GLI3: variants seen among roughly 807,000 people sequenced by gnomAD.
GLI3 encodes GLI family zinc finger 3.
In GLI3, 20 loss-of-function variants were observed where a neutral mutation model predicts 100.8. The ratio of observed to expected loss-of-function variants is 0.20; its 90% CI spans 0.14 to 0.29. GLI3 has a LOEUF of 0.29. Ranked by LOEUF, GLI3 falls within the 10% of genes least tolerant of loss-of-function variation. The pLI is 1.00. For synonymous variants in GLI3, 938 were observed against 860.5 expected (o/e 1.09, Z -1.58); for missense variants, 2,040 against 2,128.5 (o/e 0.96, Z 0.82).
chr7:42,013,013 G>A (rs1378797838), intron 10 of GLI3, among the ~76,000 whole-genome samples: 1 of 152,244 alleles, frequency 6.6e-6, no homozygotes, highest in Non-Finnish European at 1.5e-5. Context: ...CCTTTAGGCA[G>A]GTAGAGCAGC....
chr7:42,222,896 T>C (rs1170024094), intron 2 of GLI3: 1 of 501,330 alleles, frequency 2.0e-6, no homozygotes, highest in African/African-American at 1.9e-5. Context: ...AAATAACCTA[T>C]CACATTTACA....
rs144550781 is a variant in GLI3, at chr7:42,207,221, C to T, written c.124+15909G>A. ...CCACCAAAAGACAGCTACCTGGCAGCCAATGTTCCTGACAGCCAAACCCTG... is the reference window on the plus strand; with the variant it reads ...CCACCAAAAGACAGCTACCTGGCAGTCAATGTTCCTGACAGCCAAACCCTG... On this transcript the variant is annotated intron_variant, in intron 2 of 14. Coordinates refer to ENST00000395925, the MANE Select transcript of GLI3 (RefSeq NM_000168.6). Among the ~76,000 whole-genome samples, 345 of 152,288 alleles carry T rather than the reference C, an allele frequency of 2.3e-3. 2 individuals carry two copies. Among genetic ancestry groups the T allele is most frequent in the African/African-American group, 8.0e-3 (332 of 41,560 alleles).
In GLI3 at chr7:41,965,337, C is replaced by T; in HGVS notation, c.3736G>A (p.Glu1246Lys). Residue 1246 changes from glutamate to lysine, a missense_variant, in exon 15 of 15, where the codon GAA (glutamate) becomes AAA (lysine). Glu to Lys is a moderately conservative substitution (Grantham distance 56, BLOSUM62 1). Coordinates refer to ENST00000395925, the MANE Select transcript of GLI3 (RefSeq NM_000168.6). ...TACTGCGGGGCCTTACAGGGCTGTT[C>T]ATGGAAGGCGTTTCCACTGGTGCCA... ...GSGTSGNAFHEQPCKAPQYGN... is the reference protein window; with the variant it reads ...GSGTSGNAFHKQPCKAPQYGN... The T allele has an allele frequency of 1.2e-6, 2 of 1,613,888 alleles. No individual in the cohort carries two copies. Among genetic ancestry groups the T allele is most frequent in the Non-Finnish European group, 1.7e-6 (2 of 1,179,898 alleles).
At chr7:42,154,961 G>C (rs1474368563) in intron 2 of GLI3, among the ~76,000 whole-genome samples, 2 of 152,218 alleles carry the variant, frequency 1.3e-5, no homozygotes, top group Admixed American at 6.5e-5. Context: ...TCAGGAGAAA[G>C]CACTCAGCTT....
At chr7:42,071,903 G>A (rs954427987) in intron 4 of GLI3, among the ~76,000 whole-genome samples, 1 of 152,118 alleles carries the variant, frequency 6.6e-6, no homozygotes, top group South Asian at 2.1e-4. Flanking sequence ...TTAGTGGGAA[G>A]AACAGCTCTC....
chr7:42,229,239 C>T (rs1788645064), intron 1 of GLI3, among the ~76,000 whole-genome samples: 1 of 152,182 alleles, frequency 6.6e-6, no homozygotes, highest in Non-Finnish European at 1.5e-5. Flanking sequence ...GGCAAAAACT[C>T]TCTTCTCTTT....
intron 9 of GLI3, among the ~76,000 whole-genome samples, chr7:42,024,545 C>T (rs992621615): frequency 1.3e-5 from 2 of 152,214 alleles, no homozygotes; most frequent in Non-Finnish European, 1.5e-5. Flanking sequence ...ATTCTGTGGA[C>T]ATCTGGACTC....
intron 2 of GLI3, among the ~76,000 whole-genome samples, chr7:42,195,834 C>T (rs926661044): frequency 1.3e-5 from 2 of 152,144 alleles, no homozygotes; most frequent in African/African-American, 4.8e-5. Context: ...AGTAAGTATT[C>T]AATAAATCTG....
At chr7:42,169,297 A>G (rs1787312751) in intron 2 of GLI3, among the ~76,000 whole-genome samples, 1 of 152,244 alleles carries the variant, frequency 6.6e-6, no homozygotes, top group African/African-American at 2.4e-5. Context: ...GTTACTCTGT[A>G]TCAAAAAAGC....
chr7:42,052,999 G>GA (rs1784381697), intron 4 of GLI3, among the ~76,000 whole-genome samples: 2 of 152,136 alleles, frequency 1.3e-5, no homozygotes, highest in South Asian at 4.1e-4. Flanking sequence ...TTGTGGCTTT[G>GA]TTTTTTGTTT....
At chr7:42,068,315 C>A (rs984967577) in intron 4 of GLI3, among the ~76,000 whole-genome samples, 1 of 152,246 alleles carries the variant, frequency 6.6e-6, no homozygotes, top group Non-Finnish European at 1.5e-5. Context: ...CACAATCATG[C>A]CCATTTCTGC....
Position 41,965,470 on chromosome 7 carries a change from C to A in GLI3, c.3603G>T (p.Pro1201=), listed in dbSNP as rs1389633991. ...FGFCNGMVVH[P]QNPLRSGPAG... is the part of the protein sequence containing the mutation. ...CAGGCCCGCTCCTCAAGGGGTTCTG[C>A]GGGTGGACGACCATGCCGTTGCAGA... The change falls in exon 15 of 15, where the codon CCG becomes CCT. Residue 1201 remains proline (P), a synonymous_variant. Transcript: ENST00000395925. 1 of 1,608,872 alleles carries A rather than the reference C, an allele frequency of 6.2e-7. No homozygotes were observed. The highest frequency in any genetic ancestry group is 8.5e-7 in the Non-Finnish European group (1 of 1,177,412).
At position 42,244,007 on chromosome 7, in the gene GLI3, T is replaced by C. The variant is rs532598099; in HGVS notation, c.-43+19987A>G. ...TGCCACCACACCCAGCTAATTTTTA[T>C]ATTTTTAGTAGAGACGGGGTTTTAC... is the stretch of plus-strand genomic sequence containing the variant. On this transcript the variant is annotated intron_variant, in intron 1 of 2. Transcript: ENST00000678978. Among the ~76,000 whole-genome samples the C allele has an allele frequency of 2.0e-5, 3 of 152,282 alleles. No individual in the cohort carries two copies. The South Asian group carries it at 6.2e-4, about 32-fold the overall frequency.
chr7:42,119,325 T>C (rs1263234499), intron 3 of GLI3, among the ~76,000 whole-genome samples: 1 of 152,208 alleles, frequency 6.6e-6, no homozygotes, highest in Admixed American at 6.5e-5. Flanking sequence ...TCTCAGAGTT[T>C]CTGTGGGGCC....
rs751612828 is a variant in GLI3, at chr7:42,075,026, G to A, written c.473+1726C>T. Among the ~76,000 whole-genome samples the A allele has an allele frequency of 5.1e-4, 78 of 152,176 alleles. 2 individuals are homozygous for A. Among genetic ancestry groups the A allele is most frequent in the East Asian group, 3.9e-4 (2 of 5,150 alleles). On this transcript the variant is annotated intron_variant, in intron 4 of 14. Coordinates refer to ENST00000395925, the MANE Select transcript of GLI3 (RefSeq NM_000168.6). ...GTCCAGATGTGACGCATCTTGTCTCGTGATGTTATCACCACGGGCCAATGC... is the reference window on the plus strand; with the variant it reads ...GTCCAGATGTGACGCATCTTGTCTCATGATGTTATCACCACGGGCCAATGC...
At chr7:42,020,174 A>G (rs1402511858) in intron 10 of GLI3, among the ~76,000 whole-genome samples, 2 of 152,242 alleles carry the variant, frequency 1.3e-5, no homozygotes, top group Non-Finnish European at 2.9e-5. Context: ...TCAAGAGTAC[A>G]TGGAGTGCAT....
chr7:42,145,265 G>A (rs1786673726), intron 3 of GLI3: 1 of 272,348 alleles, frequency 3.7e-6, no homozygotes, highest in African/African-American at 2.2e-5. Flanking sequence ...ATATGATGCT[G>A]AGGCTTAGTT....
Position 41,991,948 on chromosome 7 carries a change from C to A in GLI3, c.1498-13200G>T, listed in dbSNP as rs556296523. On this transcript the variant is annotated intron_variant, in intron 10 of 14. Transcript: ENST00000395925. ...GTGTGTGTATGCATGTGTATGTGTG[C>A]ACATGCTGGTGAGTGGCTGTAGGAT... Among the ~76,000 whole-genome samples the A allele has an allele frequency of 4.6e-5, 7 of 152,238 alleles. No individual in the cohort carries two copies. The East Asian group carries it at 1.4e-3, about 29-fold the overall frequency.
upstream of GLI3, among the ~76,000 whole-genome samples, chr7:42,242,472 A>G (rs1210452870): frequency 6.6e-6 from 1 of 152,246 alleles, no homozygotes; most frequent in African/African-American, 2.4e-5. Context: ...AACACATCAC[A>G]GCAAATAGCT....
Sources: gnomAD v4.1 joint callset for allele counts (sites outside exome capture counted in the v4.1 genomes callset) on GRCh38, gnomAD v4.1.1 for gene constraint, MANE v1.5 for transcripts, NCBI Gene and HGNC (gene_info 2026-07-23, HGNC 2026-07-21) for gene names.